Variants in HDDC2 observed in about 807,000 individuals in gnomAD.
The protein encoded by HDDC2 is 5'-deoxynucleotidase HDDC2.
HDDC2 carries 25 observed loss-of-function variants against 25.5 expected under a neutral mutation model. The observed-to-expected ratio is 0.98, with a 90% CI of 0.72 to 1.37. HDDC2 has a LOEUF of 1.37. Among genes scored for constraint, HDDC2 ranks in the 40% most tolerant of loss-of-function variants. HDDC2 has a pLI of 0.00. For synonymous variants in HDDC2, 106 were observed against 89.7 expected, an observed-to-expected ratio of 1.18 and a Z score of -1.03; for missense variants, 264 against 253.1, an observed-to-expected ratio of 1.04 and a Z score of -0.29.
chr6:125,279,944 C>T (rs1024004862), intron 4 of HDDC2, among the ~76,000 whole-genome samples: 9 of 152,170 alleles, frequency 5.9e-5, no homozygotes, highest in African/African-American at 9.7e-5. Flanking sequence ...ATGAGATTCC[C>T]GGGCAAGATG....
rs114033209 is a variant in HDDC2 at position 125,282,582 on chromosome 6, C to T, written c.379-5342G>A. Among the ~76,000 whole-genome samples, 758 of 152,224 alleles carry T rather than the reference C, an allele frequency of 5.0e-3. 11 individuals carry two copies. Among genetic ancestry groups the T allele is most frequent in the African/African-American group, 0.017 (700 of 41,528 alleles). On this transcript the variant is annotated intron_variant, in intron 4 of 5. Coordinates refer to ENST00000398153, the MANE Select transcript of HDDC2 (RefSeq NM_016063.3). ...AAACAAACCAAAATGCAAAGAACAT[C>T]GACACTATAAAGAAACTGCATCAAC...
Position 125,298,779 on chromosome 6 carries a change from A to T in HDDC2, c.244T>A (p.Cys82Ser), listed in dbSNP as rs765173473. Residue 82 changes from cysteine to serine, a missense_variant, in exon 3 of 6, where the codon TGC becomes AGC. Cys to Ser is a moderately radical substitution (Grantham distance 112). Transcript: ENST00000398153. ...GCTGGTGCTATGTCCCCAACGATGC[A>T]TTCTGCCATATCATGAACCAGGGCT... ...RLALVHDMAE[C>S]IVGDIAPADN... The T allele has an allele frequency of 6.2e-7, 1 of 1,614,132 alleles. No homozygotes were observed. Among genetic ancestry groups the T allele is most frequent in the African/African-American group, 1.3e-5 (1 of 75,026 alleles).
chr6:125,280,851 A>G (rs559428568), intron 4 of HDDC2, among the ~76,000 whole-genome samples: 3 of 152,370 alleles, frequency 2.0e-5, no homozygotes, highest in Non-Finnish European at 2.9e-5. Context: ...CTCCTAGCAC[A>G]GTGCTCAAGC....
rs1400244936 is a variant in HDDC2 at position 125,276,214 on chromosome 6, G to T, written c.547C>A (p.Leu183Ile). The T allele has an allele frequency of 3.1e-6, 5 of 1,613,974 alleles. No individual in the cohort carries two copies. Among genetic ancestry groups the T allele is most frequent in the African/African-American group, 1.3e-5 (1 of 74,950 alleles). ...CTTTCTGCCTCAAGTTCAGAAACAAGCTGGACTATCTCAGGGTGATTGAAT... is the reference window on the plus strand; with the variant it reads ...CTTTCTGCCTCAAGTTCAGAAACAATCTGGACTATCTCAGGGTGATTGAAT... ...GKFNHPEIVQ[L>I]VSELEAERST... The change falls in exon 6 of 6, where the codon CTT becomes ATT. Residue 183 changes from leucine to isoleucine, a missense_variant. Transcript: ENST00000398153.
At chr6:125,298,077 A>G (rs1050258679) in intron 3 of HDDC2, among the ~76,000 whole-genome samples, 15 of 152,102 alleles carry the variant, frequency 9.9e-5, no homozygotes, top group African/African-American at 3.6e-4. Flanking sequence ...AATTCCAGCT[A>G]TTTTCATTAT....
At chr6:125,276,500 G>T in intron 5 of HDDC2, 1 of 456,428 alleles carries the variant, frequency 2.2e-6, no homozygotes, top group Non-Finnish European at 3.9e-6. Flanking sequence ...GCAGAGGTAG[G>T]GGAAACTTCA....
chr6:125,299,072 A>G (rs756996451), intron 2 of HDDC2, among the ~76,000 whole-genome samples: 3 of 152,112 alleles, frequency 2.0e-5, no homozygotes, highest in Non-Finnish European at 4.4e-5. Flanking sequence ...TAAATGGTTT[A>G]TCTCTGAAAT....
chr6:125,275,558 T>C lies in HDDC2; in HGVS notation c.*588A>G, dbSNP rs1798354697. 6.6e-6 allele frequency: 1 copy of C among 152,272 alleles called. No individual in the cohort carries two copies. The allele number at this position is 152,272 out of a possible 1,614,324, so 9.4% of individuals were successfully genotyped here. A position where few individuals can be genotyped will look rare whatever the true frequency, so the allele number is the denominator to read the frequency against. On this transcript the variant is annotated 3_prime_UTR_variant, in exon 6 of 6. Transcript: ENST00000398153. ...TTTTATATGCCCCGGTTTATATCTCTAAATGACAAAAAGTATTGGGAAGAG... is the reference window on the plus strand; with the variant it reads ...TTTTATATGCCCCGGTTTATATCTCCAAATGACAAAAAGTATTGGGAAGAG...
intron 4 of HDDC2, among the ~76,000 whole-genome samples, chr6:125,283,429 C>A (rs141496555): frequency 4.6e-5 from 7 of 152,298 alleles, no homozygotes; most frequent in African/African-American, 9.6e-5. Flanking sequence ...ATTGTCTCAG[C>A]CCCAAAACTC....
chr6:125,279,454 T>G (rs1798423267), intron 4 of HDDC2: 1 of 152,156 alleles, frequency 6.6e-6, no homozygotes, highest in African/African-American at 2.4e-5. Flanking sequence ...CATATTTTTT[T>G]AATGCTACAT....
At chr6:125,299,061 T>C (rs1798754545) in intron 2 of HDDC2, among the ~76,000 whole-genome samples, 1 of 152,220 alleles carries the variant, frequency 6.6e-6, no homozygotes, top group Non-Finnish European at 1.5e-5. Context: ...ATTTTTTTTC[T>C]TAAATGGTTT....
intron 4 of HDDC2, among the ~76,000 whole-genome samples, chr6:125,284,780 G>T (rs1213714397): frequency 1.3e-5 from 2 of 152,178 alleles, no homozygotes; most frequent in African/African-American, 4.8e-5. Context: ...TCTAGAACTA[G>T]AAATACCATT....
intron 4 of HDDC2, among the ~76,000 whole-genome samples, chr6:125,288,775 T>A (rs1454341475): frequency 2.2e-5 from 3 of 134,928 alleles, no homozygotes; most frequent in Admixed American, 7.3e-5. Flanking sequence ...TCAAAACCAC[T>A]ATGAGATATC....
chr6:125,286,774 CGAA>C (rs1798543714), intron 4 of HDDC2, among the ~76,000 whole-genome samples: 1 of 152,086 alleles, frequency 6.6e-6, no homozygotes, highest in Admixed American at 6.5e-5. Flanking sequence ...TTTCTGCTAT[CGAA>C]GAAGCATATT....
intron 4 of HDDC2, 103 bp downstream of exon 4, chr6:125,292,736 TAA>T (rs1798649407): frequency 1.2e-6 from 1 of 856,582 alleles, no homozygotes; most frequent in African/African-American, 1.7e-5. Context: ...CAGACAGTAA[TAA>T]GTTAGGGACC....
intron 4 of HDDC2, among the ~76,000 whole-genome samples, chr6:125,283,595 A>G (rs533625187): frequency 3.3e-5 from 5 of 152,264 alleles, no homozygotes; most frequent in African/African-American, 1.2e-4. Flanking sequence ...AATACCTAGG[A>G]ATATAACTTA....
Position 125,300,564 on chromosome 6 carries a change from G to A in HDDC2, c.180C>T (p.Ile60=). The change falls in exon 2 of 6, where the codon ATC becomes ATT. Residue 60 remains isoleucine (I), a synonymous_variant. Coordinates refer to ENST00000398153, the MANE Select transcript of HDDC2 (RefSeq NM_016063.3). ...MYRMAVMAMV[I]KDDRLNKDRC... is the part of the protein sequence containing the mutation. ...GGTCTTTGTTAAGACGGTCATCTTT[G>A]ATCACCATAGCCATAACTGCCATCC... 6.2e-7 allele frequency: 1 copy of A among 1,614,070 alleles called. No homozygotes were observed. The highest frequency in any genetic ancestry group is 8.5e-7 in the Non-Finnish European group (1 of 1,180,000).
At position 125,301,960 on chromosome 6, in the gene HDDC2, CA is replaced by C. The variant is rs1365398259; in HGVS notation, c.-29del. ...GGCCACCGACCCCGGCTGGGCGGAG[CA>C]GGCCGCGGCGAAGCTCCTCCCCGTC... On this transcript the variant is annotated 5_prime_UTR_variant, in exon 1 of 6. Coordinates refer to ENST00000398153, the MANE Select transcript of HDDC2 (RefSeq NM_016063.3). The C allele has an allele frequency of 1.3e-6, 2 of 1,532,694 alleles. No homozygotes were observed. Among genetic ancestry groups the C allele is most frequent in the African/African-American group, 2.8e-5 (2 of 72,682 alleles). The allele number at this position is 1,532,694 out of a possible 1,614,324, so 94.9% of individuals were successfully genotyped here.
intron 3 of HDDC2, among the ~76,000 whole-genome samples, chr6:125,296,947 C>A (rs1218211573): frequency 6.6e-6 from 1 of 152,216 alleles, no homozygotes; most frequent in African/African-American, 2.4e-5. Context: ...TGCTCCTCTG[C>A]GGAGTGAATC....
Sources: allele counts gnomAD v4.1 joint callset (sites outside exome capture counted in the v4.1 genomes callset), GRCh38; gene constraint gnomAD v4.1.1; transcripts MANE v1.5; gene names NCBI Gene and HGNC (gene_info 2026-07-23, HGNC 2026-07-21).